Variants in NECAB1 observed in about 807,000 individuals in gnomAD.
The protein encoded by NECAB1 is N-terminal EF-hand calcium binding protein 1.
NECAB1 carries 29 observed loss-of-function variants against 57.5 expected under a neutral mutation model. The observed-to-expected ratio is 0.50, with a 90% CI of 0.38 to 0.69. The LOEUF (loss-of-function observed/expected upper bound fraction) is 0.69. Ranked by LOEUF, NECAB1 falls within the 30% of genes least tolerant of loss-of-function variation. NECAB1 has a pLI of 0.00. For missense variants in NECAB1, 372 were observed against 413.8 expected (o/e 0.90, Z 0.88); for synonymous variants, 142 against 147.7 (o/e 0.96, Z 0.28).
intron 1 of NECAB1, 92 bp downstream of exon 1, chr8:90,792,077 A>G (rs1811584804): frequency 1.0e-6 from 1 of 992,424 alleles, no homozygotes; most frequent in Non-Finnish European, 1.5e-6. Flanking sequence ...TGACCAGCCA[A>G]TGCTTTGTCC....
intron 5 of NECAB1, among the ~76,000 whole-genome samples, chr8:90,905,308 CT>C (rs1164041703): frequency 1.3e-5 from 2 of 152,176 alleles, no homozygotes; most frequent in African/African-American, 2.4e-5. Context: ...TACTGAAACT[CT>C]TGTTTGCAGA....
intron 3 of NECAB1, among the ~76,000 whole-genome samples, chr8:90,856,845 A>T (rs184182618): frequency 2.8e-3 from 434 of 152,300 alleles, no homozygotes; most frequent in Non-Finnish European, 3.7e-3. Flanking sequence ...CCTAAAGATG[A>T]TCACCTCCCT....
chr8:90,853,499 A>G (rs1193419574), intron 3 of NECAB1, among the ~76,000 whole-genome samples: 1 of 152,198 alleles, frequency 6.6e-6, no homozygotes, highest in African/African-American at 2.4e-5. Flanking sequence ...CTTGAGAATG[A>G]TTGAGTAACT....
chr8:90,918,737 C>G (rs1211859071), intron 6 of NECAB1, among the ~76,000 whole-genome samples: 1 of 152,134 alleles, frequency 6.6e-6, no homozygotes, highest in Non-Finnish European at 1.5e-5. Context: ...TTACCCACCT[C>G]TCATGTGGCT....
At chr8:90,896,600 GTC>G (rs1307589121) in intron 5 of NECAB1, among the ~76,000 whole-genome samples, 2 of 135,246 alleles carry the variant, frequency 1.5e-5, no homozygotes, top group African/African-American at 5.4e-5. Context: ...GCGAGACTCC[GTC>G]TCAAAAAAAA....
rs200075536 is a variant in NECAB1 at position 90,808,640 on chromosome 8, C to CTTTTTTTTTT, written c.124+6939_124+6948dup. On this transcript the variant is annotated intron_variant, in intron 2 of 12. Transcript: ENST00000417640. ...TTCATCCTAATCCTTTTTTTCTTTTCTTTTTTTTTTTTTTTTTTTTTTTGA... is the reference window on the plus strand; with the variant it reads ...TTCATCCTAATCCTTTTTTTCTTTTCTTTTTTTTTTTTTTTTTTTTTTTTTTTTTTTTTGA... 3.6e-4 allele frequency among the ~76,000 whole-genome samples: 29 copies of CTTTTTTTTTT among 81,274 alleles called. 1 individual carries two copies. The highest frequency in any genetic ancestry group is 1.2e-3 in the African/African-American group (23 of 19,132). 53.3% of individuals were successfully genotyped at this position (81,274 alleles called of 152,430 possible).
At chr8:90,919,958 T>A (rs1313822592) in intron 6 of NECAB1, among the ~76,000 whole-genome samples, 1 of 152,206 alleles carries the variant, frequency 6.6e-6, no homozygotes, top group Non-Finnish European at 1.5e-5. Flanking sequence ...AACAACTGTT[T>A]TCTGTGTTAG....
chr8:90,874,296 T>C (rs900209077), intron 4 of NECAB1, among the ~76,000 whole-genome samples: 1 of 152,206 alleles, frequency 6.6e-6, no homozygotes, highest in African/African-American at 2.4e-5. Flanking sequence ...AAGTTGCAGG[T>C]ATGTAAAACT....
At chr8:90,927,963 C>T (rs1487010978) in intron 7 of NECAB1, among the ~76,000 whole-genome samples, 1 of 151,662 alleles carries the variant, frequency 6.6e-6, no homozygotes, top group African/African-American at 2.4e-5. Context: ...GTAAATGGCT[C>T]AGCAGGATCT....
intron 2 of NECAB1, among the ~76,000 whole-genome samples, chr8:90,820,744 T>G (rs1272543154): frequency 2.6e-5 from 4 of 151,548 alleles, no homozygotes; most frequent in African/African-American, 2.4e-5. Context: ...AAAAAAAAAG[T>G]CTGTCATTAA....
chr8:90,950,357 T>C (rs891794923), intron 11 of NECAB1, among the ~76,000 whole-genome samples: 2 of 152,104 alleles, frequency 1.3e-5, no homozygotes, highest in African/African-American at 2.4e-5. Flanking sequence ...ACACTAAAAA[T>C]AAAGTGGAAA....
At chr8:90,927,063 TG>T (rs1459598226) in intron 7 of NECAB1, among the ~76,000 whole-genome samples, 7 of 152,238 alleles carry the variant, frequency 4.6e-5, no homozygotes, top group African/African-American at 1.4e-4. Flanking sequence ...TATCTTTTCT[TG>T]GGTCTCTGAT....
chr8:90,937,842 C>T (rs988346822), intron 9 of NECAB1, among the ~76,000 whole-genome samples: 3 of 152,150 alleles, frequency 2.0e-5, no homozygotes, highest in African/African-American at 7.2e-5. Flanking sequence ...CATATAAAAT[C>T]GACGGATAAT....
intron 3 of NECAB1, among the ~76,000 whole-genome samples, chr8:90,847,357 C>T (rs1337555442): frequency 6.6e-6 from 1 of 152,242 alleles, no homozygotes; most frequent in East Asian, 1.9e-4. Context: ...GGCAGCTCTG[C>T]CCCTGTGGCT....
At position 90,907,188 on chromosome 8, in the gene NECAB1, G is replaced by GAGA. The variant is rs370070496; in HGVS notation, c.358-10303_358-10302insGAA. Among the ~76,000 whole-genome samples, 317 of 142,418 alleles carry GAGA rather than the reference G, an allele frequency of 2.2e-3. 2 individuals carry two copies. Among genetic ancestry groups the GAGA allele is most frequent in the African/African-American group, 7.8e-3 (268 of 34,572 alleles). 93.4% of individuals were successfully genotyped at this position (142,418 alleles called of 152,430 possible). A position where few individuals can be genotyped will look rare whatever the true frequency, so the allele number is the denominator to read the frequency against. The stretch of plus-strand genomic sequence containing the variant: ...AGAGAGAGAGAGAGAGAGAGAGAGA[G>GAGA]AATTAGTAGACTGCATTGTTTTAGC... On this transcript the variant is annotated intron_variant, in intron 5 of 12. Coordinates refer to ENST00000417640, the MANE Select transcript of NECAB1 (RefSeq NM_022351.5).
chr8:90,916,643 G>C (rs1809960171), intron 5 of NECAB1, among the ~76,000 whole-genome samples: 1 of 152,184 alleles, frequency 6.6e-6, no homozygotes, highest in Admixed American at 6.5e-5. Flanking sequence ...CTGGTCCCAT[G>C]ATCTGAAAGA....
intron 8 of NECAB1, among the ~76,000 whole-genome samples, chr8:90,929,514 T>G (rs995966887): frequency 6.6e-6 from 1 of 152,122 alleles, no homozygotes; most frequent in African/African-American, 2.4e-5. Flanking sequence ...TTACCTCCAC[T>G]GCAATAAATG....
intron 1 of NECAB1, among the ~76,000 whole-genome samples, chr8:90,795,649 A>C (rs1811647667): frequency 6.6e-6 from 1 of 151,916 alleles, no homozygotes. Flanking sequence ...TTCCAGATGC[A>C]ATGGTTCTGT....
chr8:90,864,880 C>T (rs534652731), intron 3 of NECAB1, among the ~76,000 whole-genome samples: 20 of 152,180 alleles, frequency 1.3e-4, no homozygotes, highest in Admixed American at 7.2e-4. Context: ...AGTATTCTAA[C>T]GGCCCCACTT....
Sources: gnomAD v4.1 joint callset for allele counts (sites outside exome capture counted in the v4.1 genomes callset) on GRCh38, gnomAD v4.1.1 for gene constraint, MANE v1.5 for transcripts, NCBI Gene and HGNC (gene_info 2026-07-23, HGNC 2026-07-21) for gene names.